The following CYP3A4 variants were observed in gnomAD, a reference collection of about 807,000 sequenced individuals.
The protein encoded by CYP3A4 is cytochrome P450 family 3 subfamily A member 4.
Under a neutral mutation model 54.9 loss-of-function variants are expected in CYP3A4, and 41 were observed. The observed-to-expected ratio is 0.75, with a 90% CI of 0.58 to 0.97. The LOEUF (loss-of-function observed/expected upper bound fraction) is 0.97. CYP3A4 is among the 50% of genes least tolerant of loss of function. The probability of loss-of-function intolerance (pLI) is 0.00; values close to 1 mark genes in which losing one functional copy is unlikely to be tolerated. For missense variants in CYP3A4, 510 were observed against 597.3 expected (o/e 0.85, Z 1.52); for synonymous variants, 179 against 205.2 (o/e 0.87, Z 1.09).
At chr7:99,758,364 G>T in intron 12 of CYP3A4, 136 bp from the exon 13 acceptor site, 1 of 1,000,166 alleles carries the variant, frequency 1.0e-6, no homozygotes, top group Non-Finnish European at 1.5e-6. Flanking sequence ...TGGAGTAATG[G>T]GCAAAAAAAA....
In CYP3A4 at chr7:99,772,594, C is replaced by A. The variant is rs774082727; in HGVS notation, c.314G>T (p.Arg105Leu). Reference protein sequence around the residue: ...VKECYSVFTNRRPFGPVGFMK... With the variant: ...VKECYSVFTNLRPFGPVGFMK... Reference sequence around the variant, plus strand: ...TTTCAACACATGAATGCTTACCCTCCGGTTTGTGAAGACAGAATAACATTC... The same window carrying A: ...TTTCAACACATGAATGCTTACCCTCAGGTTTGTGAAGACAGAATAACATTC... The change falls in exon 4 of 13, where the codon CGG becomes CTG. Residue 105 changes from arginine (R) to leucine (L), a missense_variant. Transcript: ENST00000651514. The A allele has an allele frequency of 1.2e-6, 2 of 1,612,296 alleles. No homozygotes were observed. The highest frequency in any genetic ancestry group is 1.7e-6 in the Non-Finnish European group (2 of 1,179,294).
chr7:99,768,528 T>C (rs1815540921), intron 6 of CYP3A4, 26 bp from the exon 7 acceptor site: 1 of 1,612,908 alleles, frequency 6.2e-7, no homozygotes, highest in African/African-American at 1.3e-5. Flanking sequence ...TGTGGAAAAT[T>C]AAAATCAGCA....
chr7:99,759,557 T>TA (rs1175215675), intron 12 of CYP3A4, among the ~76,000 whole-genome samples: 12 of 152,166 alleles, frequency 7.9e-5, no homozygotes, highest in Admixed American at 7.9e-4. Context: ...TTGCATTAGA[T>TA]ACAGTCCCTT....
chr7:99,782,250 G>T (rs774879665), intron 1 of CYP3A4, among the ~76,000 whole-genome samples: 6 of 152,230 alleles, frequency 3.9e-5, no homozygotes, highest in Non-Finnish European at 8.8e-5. Flanking sequence ...TGATCTAGGT[G>T]AATGTCTAGA....
chr7:99,781,797 G>A (rs1815932052), intron 1 of CYP3A4, among the ~76,000 whole-genome samples: 1 of 152,216 alleles, frequency 6.6e-6, no homozygotes, highest in South Asian at 2.1e-4. Flanking sequence ...TATAACAAAA[G>A]ATGTAGTATT....
chr7:99,758,188 T>C lies in CYP3A4; in HGVS notation c.1457A>G (p.Glu486Gly), dbSNP rs1815228578. ...CTCAACCTTTAGAACAACGGGTTTTTCTGGTTGAAGAAGTCCTCCTAAGCT... is the reference window on the plus strand; with the variant it reads ...CTCAACCTTTAGAACAACGGGTTTTCCTGGTTGAAGAAGTCCTCCTAAGCT... ...KLSLGGLLQP[E>G]KPVVLKVESR... The change falls in exon 13 of 13, where the codon GAA becomes GGA. Residue 486 changes from glutamate (E) to glycine (G), a missense_variant. Transcript: ENST00000651514. 1 of 1,613,916 alleles carries C rather than the reference T, an allele frequency of 6.2e-7. No homozygotes were observed. The highest frequency in any genetic ancestry group is 1.3e-5 in the African/African-American group (1 of 74,930).
At chr7:99,770,783 G>A (rs1815612672) in intron 4 of CYP3A4, among the ~76,000 whole-genome samples, 1 of 152,098 alleles carries the variant, frequency 6.6e-6, no homozygotes, top group East Asian at 1.9e-4. Flanking sequence ...AAACATTCTT[G>A]TCTCTTAATT....
Position 99,768,748 on chromosome 7 carries a change from C to T in CYP3A4, c.522-246G>A, listed in dbSNP as rs577157270. ...TAGACCTACCTCTGAGATCAAGGAGCCCATCATAGGAAGACAGAGACCCAC... is the reference window on the plus strand; with the variant it reads ...TAGACCTACCTCTGAGATCAAGGAGTCCATCATAGGAAGACAGAGACCCAC... On this transcript the variant is annotated intron_variant, in intron 6 of 12. Coordinates refer to ENST00000651514, the MANE Select transcript of CYP3A4 (RefSeq NM_017460.6). 5.9e-5 allele frequency among the ~76,000 whole-genome samples: 9 copies of T among 152,140 alleles called. No homozygotes were observed. In the South Asian group the frequency reaches 1.5e-3, roughly 25 times the overall value.
At position 99,763,863 on chromosome 7, in the gene CYP3A4, G is replaced by T; in HGVS notation, c.1018C>A (p.Pro340Thr). ...ATGTACCATCCACTCACCTTATTGG[G>T]TAAAACTGCATCAATTTCCTCCTGC... Reference protein sequence around the residue: ...KLQEEIDAVLPNKAPPTYDTV... With the variant: ...KLQEEIDAVLTNKAPPTYDTV... Residue 340 changes from proline (P) to threonine (T), a missense_variant, in exon 10 of 13, where the codon CCC (proline) becomes ACC (threonine). Transcript: ENST00000651514. The T allele has an allele frequency of 6.2e-7, 1 of 1,613,912 alleles. No homozygotes were observed. The highest frequency in any genetic ancestry group is 8.5e-7 in the Non-Finnish European group (1 of 1,179,932).
At chr7:99,761,677 A>G (rs1206148106) in intron 11 of CYP3A4, among the ~76,000 whole-genome samples, 3 of 152,218 alleles carry the variant, frequency 2.0e-5, no homozygotes, top group Admixed American at 2.0e-4. Flanking sequence ...TTTTATTAAA[A>G]TGTTATTCCT....
chr7:99,766,593 C>T (rs1433898032), intron 8 of CYP3A4, 150 bp from the exon 9 acceptor site: 8 of 923,714 alleles, frequency 8.7e-6, no homozygotes, highest in South Asian at 1.7e-5. Flanking sequence ...CAGTGAAAAA[C>T]ATACCCTTCT....
At chr7:99,770,055 A>G in intron 5 of CYP3A4, 67 bp downstream of exon 5, 1 of 1,560,620 alleles carries the variant, frequency 6.4e-7, no homozygotes, top group South Asian at 1.1e-5. Context: ...CTGTGATCTT[A>G]TTTTATACCT....
At chr7:99,777,419 C>T (rs1009199620) in intron 3 of CYP3A4, among the ~76,000 whole-genome samples, 3 of 151,262 alleles carry the variant, frequency 2.0e-5, no homozygotes, top group African/African-American at 7.3e-5. Context: ...GGACAACCTT[C>T]GAAAAGTTTT....
intron 11 of CYP3A4, 95 bp downstream of exon 11, chr7:99,761,930 AATACAAGCAAATAATT>A (rs1160529705): frequency 9.9e-7 from 1 of 1,006,262 alleles, no homozygotes; most frequent in Non-Finnish European, 1.5e-6. Flanking sequence ...TAAATATAAA[AATACAAGCAAATAATT>A]ATACAACCAC....
intron 1 of CYP3A4, among the ~76,000 whole-genome samples, chr7:99,782,217 C>T (rs1030426690): frequency 1.3e-5 from 2 of 152,188 alleles, no homozygotes; most frequent in African/African-American, 2.4e-5. Flanking sequence ...GTTAATGTGT[C>T]AGCAGCATTG....
chr7:99,772,696 GA>G lies in CYP3A4; in HGVS notation c.219-8del, dbSNP rs1201350386. On this transcript the variant is annotated splice_polypyrimidine_tract_variant and splice_region_variant and intron_variant, in intron 3 of 12. Transcript: ENST00000651514. ...CTGTTGACCATCATAAAAGCTGTGT[GA>G]AAAAAACAGAGTTGATTAAACATCA... is the stretch of plus-strand genomic sequence containing the variant. 1 of 1,611,218 alleles carries G rather than the reference GA, an allele frequency of 6.2e-7. No individual in the cohort carries two copies. The highest frequency in any genetic ancestry group is 8.5e-7 in the Non-Finnish European group (1 of 1,178,676).
chr7:99,782,940 G>A (rs1349749499), intron 1 of CYP3A4, among the ~76,000 whole-genome samples: 4 of 152,074 alleles, frequency 2.6e-5, no homozygotes, highest in Non-Finnish European at 5.9e-5. Flanking sequence ...CACATTTATT[G>A]TAACAAATAC....
chr7:99,767,321 G>A (rs1289495205), intron 7 of CYP3A4, 63 bp from the exon 8 acceptor site: 23 of 1,438,300 alleles, frequency 1.6e-5, no homozygotes, highest in Non-Finnish European at 1.9e-6. Context: ...AAATTTACCT[G>A]GAGCAATTCT....
chr7:99,761,431 T>C (rs1210085456), intron 11 of CYP3A4, among the ~76,000 whole-genome samples: 1 of 152,178 alleles, frequency 6.6e-6, no homozygotes, highest in African/African-American at 2.4e-5. Context: ...ATCTCCTCTC[T>C]TGTTTTTCTA....
Sources: allele counts gnomAD v4.1 joint callset (sites outside exome capture counted in the v4.1 genomes callset), GRCh38; gene constraint gnomAD v4.1.1; transcripts MANE v1.5; gene names NCBI Gene and HGNC (gene_info 2026-07-23, HGNC 2026-07-21).